The following ZFYVE9 variants were observed in gnomAD, a reference collection of about 807,000 sequenced individuals.
ZFYVE9 encodes zinc finger FYVE domain-containing protein 9.
Under a neutral mutation model 126.7 loss-of-function variants are expected in ZFYVE9, and 43 were observed. The observed-to-expected ratio is 0.34, with a 90% CI of 0.27 to 0.44. ZFYVE9 has a LOEUF of 0.44. Ranked by LOEUF, ZFYVE9 falls within the 20% of genes least tolerant of loss-of-function variation. The pLI is 1.00. For synonymous variants in ZFYVE9, 521 were observed against 597.4 expected, an observed-to-expected ratio of 0.87 and a Z score of 1.87; for missense variants, 1,476 against 1,697.0, an observed-to-expected ratio of 0.87 and a Z score of 2.29.
chr1:52,266,825 G>A lies in ZFYVE9; in HGVS notation c.2449G>A (p.Ala817Thr). 7.5e-6 allele frequency: 12 copies of A among 1,598,752 alleles called. No individual in the cohort carries two copies. Among genetic ancestry groups the A allele is most frequent in the Non-Finnish European group, 1.0e-5 (12 of 1,173,742 alleles). ...TGTGGGAGTTTTAAAGCACCCTGGA[G>A]CAGAAGGTAGGGGATCATGTGCTAT... is the stretch of plus-strand genomic sequence containing the variant. ...VPVGVLKHPG[A>T]EVAQPREQRR... is the part of the protein sequence containing the mutation. The change falls in exon 6 of 19, where the codon GCA becomes ACA. Residue 817 changes from alanine (A) to threonine (T), a missense_variant. Transcript: ENST00000287727.
chr1:52,153,745 G>A (rs965714323), intron 1 of ZFYVE9, among the ~76,000 whole-genome samples: 2 of 152,278 alleles, frequency 1.3e-5, no homozygotes, highest in East Asian at 3.9e-4. Context: ...TGTGTCTCTT[G>A]GCAAAAGTGT....
intron 1 of ZFYVE9, among the ~76,000 whole-genome samples, chr1:52,213,204 C>G (rs1010853715): frequency 6.6e-6 from 1 of 152,164 alleles, no homozygotes; most frequent in African/African-American, 2.4e-5. Flanking sequence ...TTGTTGGTTT[C>G]TCTCTGTGTC....
chr1:52,263,661 T>C (rs1293280596), intron 4 of ZFYVE9, 112 bp from the exon 5 acceptor site: 1 of 510,020 alleles, frequency 2.0e-6, no homozygotes, highest in Admixed American at 3.7e-5. Flanking sequence ...AACTTTAGTA[T>C]TGTAGTTTAA....
intron 4 of ZFYVE9, among the ~76,000 whole-genome samples, chr1:52,245,603 G>A (rs1384288999): frequency 1.3e-5 from 2 of 152,204 alleles, no homozygotes; most frequent in African/African-American, 4.8e-5. Context: ...AAATCACACA[G>A]CCAGTAAGTG....
chr1:52,319,711 C>G (rs1646220380), intron 13 of ZFYVE9, among the ~76,000 whole-genome samples: 1 of 151,770 alleles, frequency 6.6e-6, no homozygotes, highest in Non-Finnish European at 1.5e-5. Context: ...AGAGCCAAAA[C>G]AACTTTGAAA....
chr1:52,272,055 CT>C (rs1003262976), intron 7 of ZFYVE9, among the ~76,000 whole-genome samples: 1 of 152,154 alleles, frequency 6.6e-6, no homozygotes, highest in Non-Finnish European at 1.5e-5. Context: ...CAAGGCTGGT[CT>C]TGAACTCTTG....
chr1:52,285,088 C>T (rs899347307), intron 10 of ZFYVE9, among the ~76,000 whole-genome samples: 1 of 152,048 alleles, frequency 6.6e-6, no homozygotes, highest in African/African-American at 2.4e-5. Flanking sequence ...TAATGGCGTA[C>T]CTAAATCACA....
chr1:52,150,947 A>G (rs1644350945), intron 1 of ZFYVE9, among the ~76,000 whole-genome samples: 1 of 151,798 alleles, frequency 6.6e-6, no homozygotes, highest in Non-Finnish European at 1.5e-5. Flanking sequence ...TGAACTTCAC[A>G]GTACATCATG....
chr1:52,305,387 C>T lies in ZFYVE9; in HGVS notation c.3438+1462C>T, dbSNP rs574336817. 2.0e-5 allele frequency among the ~76,000 whole-genome samples: 3 copies of T among 152,262 alleles called. No individual in the cohort carries two copies. The South Asian group carries it at 6.2e-4, about 32-fold the overall frequency. On this transcript the variant is annotated intron_variant, in intron 13 of 18. Coordinates refer to ENST00000287727, the MANE Select transcript of ZFYVE9 (RefSeq NM_004799.4). ...GAGGTTGCAGTGAGCTGAGATCTCA[C>T]CATTGGACTCCAGCCTGGGCGACAA...
At chr1:52,163,087 T>G in intron 1 of ZFYVE9, 1 of 209,938 alleles carries the variant, frequency 4.8e-6, no homozygotes, top group Non-Finnish European at 9.2e-6. Context: ...TTTTGTACTT[T>G]GCGTATTCTT....
chr1:52,246,673 G>C (rs1218285405), intron 4 of ZFYVE9, among the ~76,000 whole-genome samples: 3 of 146,878 alleles, frequency 2.0e-5, no homozygotes, highest in Non-Finnish European at 4.5e-5. Context: ...CTGGGGCTAC[G>C]AGCATGTGCC....
intron 17 of ZFYVE9, 106 bp downstream of exon 17, chr1:52,340,337 C>T (rs778737724): frequency 6.7e-5 from 53 of 791,152 alleles, no homozygotes; most frequent in Admixed American, 1.6e-4. Flanking sequence ...AAAAATATCT[C>T]TGAGAAAAAT....
intron 7 of ZFYVE9, 79 bp downstream of exon 7, chr1:52,268,711 G>T: frequency 1.3e-6 from 2 of 1,500,120 alleles, no homozygotes; most frequent in Non-Finnish European, 9.0e-7. Context: ...TTACTTTTGT[G>T]TGGAACTCTG....
chr1:52,148,448 A>G (rs1425975417), intron 1 of ZFYVE9, among the ~76,000 whole-genome samples: 2 of 150,748 alleles, frequency 1.3e-5, no homozygotes, highest in Non-Finnish European at 3.0e-5. Context: ...AGACTGCACC[A>G]TTGCACTCCA....
chr1:52,186,239 C>CAA lies in ZFYVE9; in HGVS notation c.-142-30118_-142-30117dup, dbSNP rs1196121611. Among the ~76,000 whole-genome samples, 118 of 85,058 alleles carry CAA rather than the reference C, an allele frequency of 1.4e-3. 1 individual carries two copies. In the South Asian group the frequency reaches 0.033, roughly 24 times the overall value. 55.8% of individuals were successfully genotyped at this position (85,058 alleles called of 152,430 possible). ...TGGGTGACAGAGCGAGACTCTGTCT[C>CAA]AAAAAAAAAAAAACAAAACAAAACC... On this transcript the variant is annotated intron_variant, in intron 1 of 18. Coordinates refer to ENST00000287727, the MANE Select transcript of ZFYVE9 (RefSeq NM_004799.4).
intron 15 of ZFYVE9, among the ~76,000 whole-genome samples, 158 bp from the exon 16 acceptor site, chr1:52,337,614 C>T (rs891223585): frequency 1.3e-5 from 2 of 152,260 alleles, no homozygotes; most frequent in African/African-American, 4.8e-5. Context: ...TTGCTTCTCA[C>T]AACACTTTCA....
At chr1:52,326,949 T>A (rs933663608) in intron 13 of ZFYVE9, among the ~76,000 whole-genome samples, 17 of 151,788 alleles carry the variant, frequency 1.1e-4, no homozygotes, top group Admixed American at 1.1e-3. Flanking sequence ...GATCACCAGG[T>A]CAGGAGATAG....
rs1277997271 is a variant in ZFYVE9, at chr1:52,181,684, C to T, written c.-142-34685C>T. Among the ~76,000 whole-genome samples the T allele has an allele frequency of 2.1e-4, 32 of 152,154 alleles. No individual in the cohort carries two copies. In the East Asian group the frequency reaches 6.0e-3, roughly 29 times the overall value. On this transcript the variant is annotated intron_variant, in intron 1 of 18. Coordinates refer to ENST00000287727, the MANE Select transcript of ZFYVE9 (RefSeq NM_004799.4). ...ATCCCATCTAGGAAGTGAGGAGCGT[C>T]TCTGCCCGGCCGCCCATCGTCTGAG...
intron 1 of ZFYVE9, among the ~76,000 whole-genome samples, chr1:52,173,171 G>A (rs553974526): frequency 3.4e-4 from 51 of 152,188 alleles, no homozygotes; most frequent in African/African-American, 9.9e-4. Flanking sequence ...TTTGAGATAC[G>A]TCCCATCAAT....
Sources: gnomAD v4.1 joint callset for allele counts (sites outside exome capture counted in the v4.1 genomes callset) on GRCh38, gnomAD v4.1.1 for gene constraint, MANE v1.5 for transcripts, NCBI Gene and HGNC (gene_info 2026-07-23, HGNC 2026-07-21) for gene names.